The following TES variants were observed in gnomAD, a reference collection of about 807,000 sequenced individuals.
The protein encoded by TES is testin.
Under a neutral mutation model 48.2 loss-of-function variants are expected in TES, and 41 were observed. That is an observed-to-expected ratio of 0.85 (90% CI 0.66 to 1.10). The LOEUF (loss-of-function observed/expected upper bound fraction) is 1.10, where lower values mean the gene tolerates loss of function less well. TES is among the 50% of genes least tolerant of loss of function. The pLI is 0.00. For synonymous variants in TES, 162 were observed against 174.9 expected (o/e 0.93, Z 0.58); for missense variants, 463 against 515.1 (o/e 0.90, Z 0.98).
chr7:116,217,674 T>C, intron 1 of TES: 1 of 397,270 alleles, frequency 2.5e-6, no homozygotes, highest in Non-Finnish European at 5.0e-6. Context: ...TTTCAGGATT[T>C]TAAAGAAAAA....
At chr7:116,218,153 A>T (rs1563004681) in intron 1 of TES, among the ~76,000 whole-genome samples, 1 of 152,160 alleles carries the variant, frequency 6.6e-6, no homozygotes, top group Non-Finnish European at 1.5e-5. Context: ...ACTACTCTGT[A>T]AATATACTTA....
chr7:116,229,142 A>C (rs1799665148), intron 1 of TES, among the ~76,000 whole-genome samples: 1 of 151,590 alleles, frequency 6.6e-6, no homozygotes, highest in South Asian at 2.1e-4. Context: ...CTAAACAGCT[A>C]GTTCGCCTTA....
At chr7:116,224,872 A>G (rs1204121190) in intron 1 of TES, among the ~76,000 whole-genome samples, 1 of 35,570 alleles carries the variant, frequency 2.8e-5, no homozygotes, top group African/African-American at 1.4e-4. Flanking sequence ...TTTGGAGGGA[A>G]AAAAAAACAG....
At chr7:116,252,093 G>A (rs1460631568) in intron 5 of TES, 118 bp downstream of exon 5, 8 of 1,145,982 alleles carry the variant, frequency 7.0e-6, no homozygotes, top group Non-Finnish European at 8.7e-6. Flanking sequence ...ATCCAAAGAA[G>A]TTTTAAAAAA....
At chr7:116,241,013 T>G (rs1252805910) in intron 2 of TES, among the ~76,000 whole-genome samples, 1 of 152,184 alleles carries the variant, frequency 6.6e-6, no homozygotes, top group African/African-American at 2.4e-5. Flanking sequence ...TAAAACCACG[T>G]TTTTAAAGTT....
chr7:116,218,710 AAAGG>A, intron 1 of TES, among the ~76,000 whole-genome samples: 1 of 152,192 alleles, frequency 6.6e-6, no homozygotes, highest in African/African-American at 2.4e-5. Context: ...TTTTTTTAAA[AAAGG>A]AAGGAAGATG....
chr7:116,230,923 GCCTT>G (rs1489818640), intron 1 of TES, among the ~76,000 whole-genome samples: 1 of 152,124 alleles, frequency 6.6e-6, no homozygotes. Context: ...AGCTTCCCCA[GCCTT>G]CCTTATTTAT....
chr7:116,245,998 A>G (rs930526492), intron 2 of TES, among the ~76,000 whole-genome samples: 1 of 152,130 alleles, frequency 6.6e-6, no homozygotes. Context: ...CTCATGATTC[A>G]ATTACCTCCT....
chr7:116,248,029 C>A (rs1336853469), intron 2 of TES, among the ~76,000 whole-genome samples: 2 of 152,144 alleles, frequency 1.3e-5, no homozygotes, highest in Non-Finnish European at 2.9e-5. Context: ...CATGTGTACT[C>A]AATATTTAGC....
intron 6 of TES, 187 bp downstream of exon 6, chr7:116,252,663 C>T (rs559215802): frequency 4.3e-6 from 3 of 696,352 alleles, no homozygotes; most frequent in Admixed American, 2.4e-5. Context: ...TATGAGCCAC[C>T]TCAAGATTTC....
intron 1 of TES, among the ~76,000 whole-genome samples, chr7:116,228,832 A>G (rs1019961945): frequency 1.3e-5 from 2 of 151,824 alleles, no homozygotes. Context: ...GAGCCAATCT[A>G]GTTTAATTTC....
At chr7:116,232,858 G>C (rs1451292539) in intron 1 of TES, among the ~76,000 whole-genome samples, 4 of 152,224 alleles carry the variant, frequency 2.6e-5, no homozygotes, top group Admixed American at 2.6e-4. Context: ...ATTCTTTAGA[G>C]AGTATACTTT....
intron 1 of TES, among the ~76,000 whole-genome samples, chr7:116,223,592 GA>G (rs1247189363): frequency 1.2e-4 from 19 of 152,088 alleles, no homozygotes; most frequent in African/African-American, 3.6e-4. Context: ...TATTGAGAAA[GA>G]AAATGAGACT....
intron 1 of TES, among the ~76,000 whole-genome samples, chr7:116,226,678 T>A (rs1799625137): frequency 1.3e-5 from 2 of 151,882 alleles, no homozygotes; most frequent in South Asian, 4.2e-4. Context: ...GTTAGGAGAG[T>A]GTGGTCTCAG....
In TES at chr7:116,234,625, GT is replaced by G; in HGVS notation, c.113+10del. ...TTCGAACTGCACTTCTGGAGGTATT[GT>G]TTTGAAAACTGCAACCACATTAGTA... On this transcript the variant is annotated splice_region_variant and intron_variant, in intron 2 of 6. Coordinates refer to ENST00000358204, the MANE Select transcript of TES (RefSeq NM_015641.4). 6.2e-7 allele frequency: 1 copy of G among 1,612,678 alleles called. No individual in the cohort carries two copies. Among genetic ancestry groups the G allele is most frequent in the Non-Finnish European group, 8.5e-7 (1 of 1,178,846 alleles).
intron 1 of TES, among the ~76,000 whole-genome samples, chr7:116,213,656 T>A (rs1408077925): frequency 6.6e-6 from 1 of 152,250 alleles, no homozygotes; most frequent in African/African-American, 2.4e-5. Flanking sequence ...TTTTGCTATA[T>A]TTTGTTTTGT....
At chr7:116,248,680 C>T (rs1301118184) in intron 2 of TES, among the ~76,000 whole-genome samples, 1 of 152,028 alleles carries the variant, frequency 6.6e-6, no homozygotes, top group African/African-American at 2.4e-5. Flanking sequence ...GAATATTAGA[C>T]CTTTGTCAGT....
chr7:116,216,661 A>G (rs1799498141), intron 1 of TES, among the ~76,000 whole-genome samples: 1 of 152,176 alleles, frequency 6.6e-6, no homozygotes, highest in Admixed American at 6.5e-5. Flanking sequence ...TGAAGAACCT[A>G]TAGATTGAAC....
intron 4 of TES, among the ~76,000 whole-genome samples, chr7:116,251,128 G>A (rs185710548): frequency 2.6e-5 from 4 of 152,202 alleles, no homozygotes; most frequent in Non-Finnish European, 4.4e-5. Context: ...TAAGCCCTGA[G>A]GTGATAGTTT....
Sources: gnomAD v4.1 joint callset for allele counts (sites outside exome capture counted in the v4.1 genomes callset) on GRCh38, gnomAD v4.1.1 for gene constraint, MANE v1.5 for transcripts, NCBI Gene and HGNC (gene_info 2026-07-23, HGNC 2026-07-21) for gene names.